GCNT4: variants seen among roughly 807,000 people sequenced by gnomAD.
GCNT4 encodes glucosaminyl (N-acetyl) transferase 4.
In GCNT4, 17 loss-of-function variants were observed where a neutral mutation model predicts 31.3. The ratio of observed to expected loss-of-function variants is 0.54; its 90% CI spans 0.37 to 0.81. GCNT4 has a LOEUF of 0.81. Among genes scored for constraint, GCNT4 ranks in the 40% least tolerant of loss-of-function variants. The pLI is 0.00. For missense variants in GCNT4, 503 were observed against 525.5 expected (o/e 0.96, Z 0.42); for synonymous variants, 158 against 190.6 (o/e 0.83, Z 1.41).
intron 3 of GCNT4, among the ~76,000 whole-genome samples, chr5:75,037,474 G>A (rs768239894): frequency 5.3e-5 from 8 of 152,212 alleles, no homozygotes; most frequent in Non-Finnish European, 1.2e-4. Context: ...GTATGACTCG[G>A]TCAGAAATCC....
downstream of GCNT4, among the ~76,000 whole-genome samples, chr5:75,023,445 T>A (rs1196250739): frequency 6.6e-6 from 1 of 152,020 alleles, no homozygotes; most frequent in African/African-American, 2.4e-5. Flanking sequence ...ATTTCTCTCA[T>A]GGAAATGCAT....
At chr5:75,033,849 C>T (rs1000234492) in intron 3 of GCNT4, among the ~76,000 whole-genome samples, 58 of 151,904 alleles carry the variant, frequency 3.8e-4, no homozygotes, top group African/African-American at 1.4e-3. Flanking sequence ...TCCTCACCCC[C>T]CGATAGGCCC....
chr5:75,035,148 T>C (rs111545871), intron 3 of GCNT4, among the ~76,000 whole-genome samples: 3,757 of 109,230 alleles, frequency 0.034, 404 homozygotes, highest in African/African-American at 0.14. Flanking sequence ...CAGGGACACC[T>C]CAGCTAAGTG....
intron 3 of GCNT4, among the ~76,000 whole-genome samples, chr5:75,034,520 G>C (rs1005609122): frequency 6.6e-6 from 1 of 152,230 alleles, no homozygotes; most frequent in African/African-American, 2.4e-5. Context: ...CCCTCTTAAA[G>C]GCTTATGGGC....
At chr5:75,021,286 T>C (rs1001714636), downstream of GCNT4, among the ~76,000 whole-genome samples, 1 of 152,212 alleles carries the variant, frequency 6.6e-6, no homozygotes, top group Non-Finnish European at 1.5e-5. Context: ...CACATCCTTA[T>C]GTTTTGTGAT....
intron 3 of GCNT4, among the ~76,000 whole-genome samples, chr5:75,034,117 CAA>C (rs1470073060): frequency 6.6e-6 from 1 of 152,218 alleles, no homozygotes; most frequent in Non-Finnish European, 1.5e-5. Flanking sequence ...GAGTTTCTGT[CAA>C]ATCCTAAAAG....
chr5:75,036,275 C>A (rs1348205320), intron 3 of GCNT4, among the ~76,000 whole-genome samples: 18 of 152,276 alleles, frequency 1.2e-4, no homozygotes, highest in Non-Finnish European at 1.5e-5. Context: ...ACTAGGTGCA[C>A]TATTCTAAGT....
At chr5:75,053,051 A>G (rs1386030709), upstream of GCNT4, among the ~76,000 whole-genome samples, 21 of 152,030 alleles carry the variant, frequency 1.4e-4, no homozygotes, top group East Asian at 3.9e-3. Context: ...TCCGCCCGCG[A>G]GCCCAGGAAG....
rs1453850777 is a variant in GCNT4 at position 75,028,620 on chromosome 5, A to G, written c.*56T>C. The G allele has an allele frequency of 1.3e-6, 2 of 1,508,808 alleles. No homozygotes were observed. The highest frequency in any genetic ancestry group is 1.4e-5 in the African/African-American group (1 of 72,038). 93.5% of individuals were successfully genotyped at this position (1,508,808 alleles called of 1,614,324 possible). On this transcript the variant is annotated 3_prime_UTR_variant, in exon 4 of 4. Transcript: ENST00000652361. ...AGTATTGGGCATAGTATGGTATTCA[A>G]TTCCACACTGACTCCATTTATCAGG...
chr5:75,039,002 G>A (rs1013878424), intron 3 of GCNT4, among the ~76,000 whole-genome samples: 3 of 152,142 alleles, frequency 2.0e-5, no homozygotes, highest in Non-Finnish European at 2.9e-5. Context: ...GCCAGAGTCA[G>A]CGACACATAC....
downstream of GCNT4, among the ~76,000 whole-genome samples, chr5:75,020,747 C>A (rs182301902): frequency 1.3e-5 from 2 of 152,128 alleles, no homozygotes; most frequent in African/African-American, 4.8e-5. Flanking sequence ...CCACTTCTGA[C>A]CTACAAAAAC....
rs367923322 is a variant in GCNT4, at chr5:75,025,402, TAGC to T, written c.*3271_*3273del. 9.8e-5 allele frequency: 15 copies of T among 152,312 alleles called. No homozygotes were observed. Among genetic ancestry groups the T allele is most frequent in the African/African-American group, 3.6e-4 (15 of 41,574 alleles). The allele number at this position is 152,312 out of a possible 1,614,324, so 9.4% of individuals were successfully genotyped here. A position where few individuals can be genotyped will look rare whatever the true frequency, so the allele number is the denominator to read the frequency against. On this transcript the variant is annotated 3_prime_UTR_variant, in exon 4 of 4. Transcript: ENST00000652361. ...ATACCAGAGAATCAACATCTAGTAGTAGCATAATACAAAATGAAACACCAATCT... is the reference window on the plus strand; with the variant it reads ...ATACCAGAGAATCAACATCTAGTAGTATAATACAAAATGAAACACCAATCT...
At position 75,028,705 on chromosome 5, in the gene GCNT4, T is replaced by C. The variant is rs377155784; in HGVS notation, c.1333A>G (p.Met445Val). ...GATGTGGTAGTGAGATTTCTATCCA[T>C]AAATAACTTTTCTGAGGGCAAAGTG... ...WITLPSEKLF[M>V]DRNLTTTS Residue 445 changes from methionine to valine, a missense_variant, in exon 4 of 4, where the codon ATG (methionine) becomes GTG (valine). By Grantham distance (21) the Met-to-Val change is conservative. Coordinates refer to ENST00000652361, the MANE Select transcript of GCNT4 (RefSeq NM_001366737.1). 1.9e-6 allele frequency: 3 copies of C among 1,612,992 alleles called. No homozygotes were observed. The highest frequency in any genetic ancestry group is 2.2e-5 in the East Asian group (1 of 44,890).
rs750975281 is a variant in GCNT4 at position 75,029,779 on chromosome 5, T to A, written c.259A>T (p.Ser87Cys). The A allele has an allele frequency of 3.1e-6, 5 of 1,614,038 alleles. No individual in the cohort carries two copies. In the Admixed American group the frequency reaches 8.3e-5, roughly 27 times the overall value. The change falls in exon 4 of 4, where the codon AGT becomes TGT. Residue 87 changes from serine to cysteine, a missense_variant. Transcript: ENST00000652361. The part of the protein sequence containing the change: ...YEQEPLEIGK[S>C]LEIRRRDIID... ...ATGTCCCTTCTTCTTATTTCCAGAC[T>A]CTTTCCAATTTCCAAAGGCTCCTGT...
At position 75,047,906 on chromosome 5, in the gene GCNT4, A is replaced by T. The variant is rs1379962330; in HGVS notation, c.-11T>A. On this transcript the variant is annotated 5_prime_UTR_variant, in exon 3 of 4. Coordinates refer to ENST00000652361, the MANE Select transcript of GCNT4 (RefSeq NM_001366737.1). The stretch of plus-strand genomic sequence containing the variant: ...ATAAACTGAAACTTACCTTTGTGTC[A>T]CCTCCAAAGAAAACCCCAGGCTGAT... The T allele has an allele frequency of 1.3e-5, 2 of 151,964 alleles. No individual in the cohort carries two copies. Among genetic ancestry groups the T allele is most frequent in the African/African-American group, 4.8e-5 (2 of 41,292 alleles). 9.4% of individuals were successfully genotyped at this position (151,964 alleles called of 1,614,324 possible).
Position 75,027,865 on chromosome 5 carries a change from A to C in GCNT4, c.*811T>G, listed in dbSNP as rs1742982756. 6.6e-6 allele frequency: 1 copy of C among 152,482 alleles called. No homozygotes were observed. Among genetic ancestry groups the C allele is most frequent in the Admixed American group, 6.5e-5 (1 of 15,274 alleles). The allele number at this position is 152,482 out of a possible 1,614,324, so 9.4% of individuals were successfully genotyped here. A position where few individuals can be genotyped will look rare whatever the true frequency, so the allele number is the denominator to read the frequency against. ...TGTGTGACACTTGGAGCTATTGGTC[A>C]GTTCTTATTTTTAATCAGTAAATGC... On this transcript the variant is annotated 3_prime_UTR_variant, in exon 4 of 4. Coordinates refer to ENST00000652361, the MANE Select transcript of GCNT4 (RefSeq NM_001366737.1).
rs1249746371 is a variant in GCNT4 at position 75,027,085 on chromosome 5, A to G, written c.*1591T>C. 1.3e-5 allele frequency: 2 copies of G among 151,430 alleles called. No homozygotes were observed. The highest frequency in any genetic ancestry group is 4.9e-5 in the African/African-American group (2 of 41,184). 9.4% of individuals were successfully genotyped at this position (151,430 alleles called of 1,614,324 possible). ...CTAGATTTACTACATCTTTAAATAT[A>G]ATATCTGAGGCTACATTTTTATTTA... On this transcript the variant is annotated 3_prime_UTR_variant, in exon 4 of 4. Coordinates refer to ENST00000652361, the MANE Select transcript of GCNT4 (RefSeq NM_001366737.1).
chr5:75,018,705 C>CA, the GCNT4 span, among the ~76,000 whole-genome samples: 1 of 151,976 alleles, frequency 6.6e-6, no homozygotes, highest in Non-Finnish European at 1.5e-5. Flanking sequence ...TTGACCAGAG[C>CA]AAAAAATGCT....
chr5:75,031,446 C>T (rs1377168882), intron 3 of GCNT4, among the ~76,000 whole-genome samples: 1 of 152,200 alleles, frequency 6.6e-6, no homozygotes, highest in Non-Finnish European at 1.5e-5. Context: ...CACAACTACT[C>T]AATTCCGCCC....
Sources: gnomAD v4.1 joint callset for allele counts (sites outside exome capture counted in the v4.1 genomes callset) on GRCh38, gnomAD v4.1.1 for gene constraint, MANE v1.5 for transcripts, NCBI Gene and HGNC (gene_info 2026-07-23, HGNC 2026-07-21) for gene names.